Variants in CREB1 observed in about 807,000 individuals in gnomAD.
CREB1 encodes the protein cAMP responsive element binding protein 1.
In CREB1, 2 loss-of-function variants were observed where a neutral mutation model predicts 42.0. The observed-to-expected ratio is 0.05, with a 90% CI of 0.02 to 0.15. The LOEUF is 0.15. Ranked by LOEUF, CREB1 falls within the 10% of genes least tolerant of loss-of-function variation. The pLI, the probability that CREB1 is intolerant of heterozygous loss-of-function variation, is 1.00. For missense variants in CREB1, 199 were observed against 388.9 expected (o/e 0.51, Z 4.11); for synonymous variants, 123 against 139.9 (o/e 0.88, Z 0.85).
In CREB1 at chr2:207,602,317, A is replaced by G. The variant is rs1021956803; in HGVS notation, c.*5259A>G. ...ATAAACAGGCAGTTTTAGCACAGAA[A>G]GAAAATACTGACCTGTCTGCATTCT... On this transcript the variant is annotated 3_prime_UTR_variant, in exon 8 of 8. Coordinates refer to ENST00000353267, the MANE Select transcript of CREB1 (RefSeq NM_004379.5). 14 of 197,092 alleles carry G rather than the reference A, an allele frequency of 7.1e-5. No homozygotes were observed. Among genetic ancestry groups the G allele is most frequent in the Admixed American group, 4.3e-4 (7 of 16,470 alleles). 12.2% of individuals were successfully genotyped at this position (197,092 alleles called of 1,614,324 possible). A position where few individuals can be genotyped will look rare whatever the true frequency, so the allele number is the denominator to read the frequency against.
intron 7 of CREB1, among the ~76,000 whole-genome samples, chr2:207,587,803 GAT>G (rs1457579614): frequency 6.6e-6 from 1 of 152,226 alleles, no homozygotes; most frequent in East Asian, 1.9e-4. Flanking sequence ...GGGAAGGTGA[GAT>G]AGGGAGCATG....
At chr2:207,558,708 G>A (rs1181066682) in intron 2 of CREB1, among the ~76,000 whole-genome samples, 10 of 150,034 alleles carry the variant, frequency 6.7e-5, no homozygotes, top group Admixed American at 2.0e-4. Flanking sequence ...GCAATGGCGC[G>A]ATCTCGGCTC....
At chr2:207,588,614 GT>G (rs2084329597) in intron 7 of CREB1, among the ~76,000 whole-genome samples, 1 of 152,028 alleles carries the variant, frequency 6.6e-6, no homozygotes, top group South Asian at 2.1e-4. Flanking sequence ...TTGTGAAGAA[GT>G]CACATCTTAG....
chr2:207,600,749 A>C lies in CREB1; in HGVS notation c.*3691A>C, dbSNP rs2086902618. On this transcript the variant is annotated 3_prime_UTR_variant, in exon 8 of 8. Coordinates refer to ENST00000353267, the MANE Select transcript of CREB1 (RefSeq NM_004379.5). The stretch of plus-strand genomic sequence containing the variant: ...CCAGTCAGGCAGCCTATCCCATCAG[A>C]TGTCATCTGGCTGAAGTTTATCTCT... 4.7e-6 allele frequency: 1 copy of C among 210,794 alleles called. No homozygotes were observed. 13.1% of individuals were successfully genotyped at this position (210,794 alleles called of 1,614,324 possible).
intron 7 of CREB1, among the ~76,000 whole-genome samples, chr2:207,589,395 A>G (rs2084531384): frequency 6.6e-6 from 1 of 152,084 alleles, no homozygotes; most frequent in African/African-American, 2.4e-5. Flanking sequence ...TTCTACTTTT[A>G]AGAATGCTTG....
rs113879348 is a variant in CREB1 at position 207,531,831 on chromosome 2, C to G, written c.-9+1697C>G. ...GTCTTATTTTTCTGTATTCTAGTCA[C>G]TTTTCCAAAACGTGCTTTGCTGTAT... On this transcript the variant is annotated intron_variant, in intron 1 of 7. Coordinates refer to ENST00000353267, the MANE Select transcript of CREB1 (RefSeq NM_004379.5). Among the ~76,000 whole-genome samples, 997 of 152,296 alleles carry G rather than the reference C, an allele frequency of 6.5e-3. 3 individuals carry two copies. Among genetic ancestry groups the G allele is most frequent in the Non-Finnish European group, 9.0e-3 (612 of 68,024 alleles).
intron 7 of CREB1, chr2:207,581,312 A>G (rs568580247): frequency 1.0e-5 from 2 of 197,470 alleles, no homozygotes; most frequent in South Asian, 3.8e-4. Context: ...TGTATTTGAT[A>G]TGAATTAAAA....
intron 1 of CREB1, among the ~76,000 whole-genome samples, chr2:207,530,400 G>T (rs934662773): frequency 6.2e-5 from 9 of 146,180 alleles, no homozygotes; most frequent in Non-Finnish European, 9.1e-5. Context: ...GGCGGCGGGC[G>T]GCGGGCGGCG....
intron 2 of CREB1, among the ~76,000 whole-genome samples, chr2:207,557,571 A>C (rs535468586): frequency 1.9e-4 from 29 of 151,710 alleles, no homozygotes; most frequent in Non-Finnish European, 3.7e-4. Flanking sequence ...AGTCCCAGCT[A>C]CTCGGGAGGC....
chr2:207,581,223 T>A (rs1407395482), intron 7 of CREB1: 1 of 204,828 alleles, frequency 4.9e-6, no homozygotes, highest in Non-Finnish European at 1.0e-5. Context: ...AGAAGACTAA[T>A]GAGTTGAGGG....
Position 207,573,801 on chromosome 2 carries a change from T to A in CREB1, c.506-1471T>A, listed in dbSNP as rs529568454. Among the ~76,000 whole-genome samples, 4 of 152,324 alleles carry A rather than the reference T, an allele frequency of 2.6e-5. No homozygotes were observed. The East Asian group carries it at 5.8e-4, about 22-fold the overall frequency. On this transcript the variant is annotated intron_variant, in intron 5 of 7. Transcript: ENST00000353267. Reference sequence around the variant, plus strand: ...CAAACTACAACCCAGTCTTGTCATATATGGTTTACTATTTCTTTCTTCTTC... The same window carrying A: ...CAAACTACAACCCAGTCTTGTCATAAATGGTTTACTATTTCTTTCTTCTTC...
intron 3 of CREB1, chr2:207,561,078 C>T (rs747887995): frequency 1.3e-5 from 21 of 1,587,022 alleles, no homozygotes. Context: ...TTCAAGTAGG[C>T]CATAACCCCA....
chr2:207,562,791 TC>T (rs2082004620), intron 3 of CREB1, among the ~76,000 whole-genome samples: 1 of 152,184 alleles, frequency 6.6e-6, no homozygotes, highest in Non-Finnish European at 1.5e-5. Flanking sequence ...TCATTAATAT[TC>T]CAGAATAAAG....
intron 3 of CREB1, among the ~76,000 whole-genome samples, chr2:207,565,025 G>A (rs1271948298): frequency 6.7e-6 from 1 of 149,676 alleles, no homozygotes; most frequent in Non-Finnish European, 1.5e-5. Flanking sequence ...TCTCAGTTAT[G>A]TGGGTCCAGT....
rs76430992 is a variant in CREB1, at chr2:207,535,620, A to G, written c.-9+5486A>G. On this transcript the variant is annotated intron_variant, in intron 1 of 7. Transcript: ENST00000353267. ...TTTAAAAATAGTGAGATTCACCTATATGATTGCTGAGATGATAAACTTTAC... is the reference window on the plus strand; with the variant it reads ...TTTAAAAATAGTGAGATTCACCTATGTGATTGCTGAGATGATAAACTTTAC... Among the ~76,000 whole-genome samples, 540 of 152,182 alleles carry G rather than the reference A, an allele frequency of 3.5e-3. 3 individuals are homozygous for G. The highest frequency in any genetic ancestry group is 6.0e-3 in the Non-Finnish European group (409 of 68,012).
intron 2 of CREB1, 43 bp from the exon 3 acceptor site, chr2:207,560,183 G>A (rs2081901652): frequency 6.7e-7 from 1 of 1,493,410 alleles, no homozygotes; most frequent in Admixed American, 2.0e-5. Context: ...TACTGCCAAA[G>A]AGTGTCTGGG....
chr2:207,599,695 C>CT lies in CREB1; in HGVS notation c.*2644dup, dbSNP rs1220730009. 5.1e-6 allele frequency: 1 copy of CT among 195,900 alleles called. No individual in the cohort carries two copies. The highest frequency in any genetic ancestry group is 1.1e-5 in the Non-Finnish European group (1 of 94,300). The allele number at this position is 195,900 out of a possible 1,614,324, so 12.1% of individuals were successfully genotyped here. On this transcript the variant is annotated 3_prime_UTR_variant, in exon 8 of 8. Coordinates refer to ENST00000353267, the MANE Select transcript of CREB1 (RefSeq NM_004379.5). ...AATCAAGCATCTTTTGTGCAGTTTTCTTTTTTTAATGCAAGAATGGTGGGG... is the reference window on the plus strand; with the variant it reads ...AATCAAGCATCTTTTGTGCAGTTTTCTTTTTTTTAATGCAAGAATGGTGGGG...
At chr2:207,539,155 C>G (rs541499856) in intron 1 of CREB1, among the ~76,000 whole-genome samples, 68 of 151,888 alleles carry the variant, frequency 4.5e-4, no homozygotes, top group Non-Finnish European at 8.8e-4. Flanking sequence ...ATTCTGCTGC[C>G]CCAGCCTCCC....
intron 1 of CREB1, among the ~76,000 whole-genome samples, chr2:207,554,369 A>G (rs2081633390): frequency 6.6e-6 from 1 of 152,216 alleles, no homozygotes; most frequent in South Asian, 2.1e-4. Flanking sequence ...AGTTTTGATG[A>G]CCAATTTCAG....
Sources: gnomAD v4.1 joint callset for allele counts (sites outside exome capture counted in the v4.1 genomes callset) on GRCh38, gnomAD v4.1.1 for gene constraint, MANE v1.5 for transcripts, NCBI Gene and HGNC (gene_info 2026-07-23, HGNC 2026-07-21) for gene names.